CNTNAP5: variants seen among roughly 807,000 people sequenced by gnomAD.
CNTNAP5 encodes contactin-associated protein-like 5.
A neutral mutation model predicts 150.2 loss-of-function variants in CNTNAP5; 72 were observed. The ratio of observed to expected loss-of-function variants is 0.48; its 90% CI spans 0.40 to 0.58. The LOEUF (loss-of-function observed/expected upper bound fraction) is 0.58, where lower values mean the gene tolerates loss of function less well. Ranked by LOEUF, CNTNAP5 falls within the 20% of genes least tolerant of loss-of-function variation. The pLI, the probability that CNTNAP5 is intolerant of heterozygous loss-of-function variation, is 0.00. For missense variants in CNTNAP5, 1,636 were observed against 1,626.2 expected (o/e 1.01, Z -0.10); for synonymous variants, 672 against 619.8 (o/e 1.08, Z -1.25).
At chr2:124,516,409 G>T (rs1354228299) in intron 8 of CNTNAP5, among the ~76,000 whole-genome samples, 1 of 152,168 alleles carries the variant, frequency 6.6e-6, no homozygotes, top group East Asian at 1.9e-4. Flanking sequence ...TTCTGGGGAA[G>T]ATAAAGCCTA....
chr2:124,451,974 G>A (rs926547879), intron 6 of CNTNAP5, among the ~76,000 whole-genome samples: 3 of 152,102 alleles, frequency 2.0e-5, no homozygotes, highest in African/African-American at 4.8e-5. Flanking sequence ...ACTGAGAAAA[G>A]GCCATAGGGA....
intron 13 of CNTNAP5, among the ~76,000 whole-genome samples, chr2:124,726,501 G>A (rs140328365): frequency 1.4e-3 from 217 of 152,156 alleles, no homozygotes; most frequent in African/African-American, 5.1e-3. Context: ...CAGCCATGAG[G>A]AACTGTGAGT....
intron 7 of CNTNAP5, among the ~76,000 whole-genome samples, chr2:124,485,083 T>C (rs1156368204): frequency 6.8e-6 from 1 of 147,772 alleles, no homozygotes; most frequent in East Asian, 2.0e-4. Flanking sequence ...GACATCTCTA[T>C]GTGTCAAGTT....
chr2:124,705,021 T>C (rs1261365930), intron 13 of CNTNAP5, among the ~76,000 whole-genome samples: 1 of 147,056 alleles, frequency 6.8e-6, no homozygotes, highest in Non-Finnish European at 1.5e-5. Flanking sequence ...CAGTGTCTCC[T>C]ATTTTTGCTT....
chr2:124,063,517 TAGA>T (rs1425812721), intron 1 of CNTNAP5, among the ~76,000 whole-genome samples: 2 of 152,148 alleles, frequency 1.3e-5, no homozygotes, highest in Non-Finnish European at 2.9e-5. Context: ...AGTTATAATT[TAGA>T]AGGAGAAGTT....
At chr2:124,631,350 C>A (rs1488589252) in intron 12 of CNTNAP5, among the ~76,000 whole-genome samples, 2 of 152,038 alleles carry the variant, frequency 1.3e-5, no homozygotes. Context: ...GTAAACAAAG[C>A]AATATGGTAT....
intron 6 of CNTNAP5, among the ~76,000 whole-genome samples, chr2:124,463,537 G>A (rs909335621): frequency 1.3e-5 from 2 of 152,154 alleles, no homozygotes; most frequent in Non-Finnish European, 2.9e-5. Context: ...AAGAAAACAT[G>A]CGTGGCGTCT....
At chr2:124,127,190 T>C (rs952793233) in intron 1 of CNTNAP5, among the ~76,000 whole-genome samples, 2 of 152,192 alleles carry the variant, frequency 1.3e-5, no homozygotes, top group Non-Finnish European at 2.9e-5. Context: ...CTCCTTAAGC[T>C]GATAAGCAAC....
intron 11 of CNTNAP5, among the ~76,000 whole-genome samples, chr2:124,606,077 T>C (rs1339528334): frequency 6.6e-6 from 1 of 152,102 alleles, no homozygotes; most frequent in Non-Finnish European, 1.5e-5. Context: ...ATTAGCAATT[T>C]ATATGTAGAA....
At position 124,474,855 on chromosome 2, in the gene CNTNAP5, G is replaced by A. The variant is rs781735036; in HGVS notation, c.1035G>A (p.Lys345=). 8.7e-6 allele frequency: 14 copies of A among 1,606,556 alleles called. No individual in the cohort carries two copies. In the East Asian group the frequency reaches 2.5e-4, roughly 28 times the overall value. ...GAGTAAACATAATTGACCTGGCTAA[G>A]AGACGAAAGCATCAGATCTATACTG... ...YNGVNIIDLA[K]RRKHQIYTVG... is the part of the protein sequence containing the mutation. The change falls in exon 7 of 24, where the codon AAG becomes AAA. Residue 345 remains lysine (K), a synonymous_variant. Coordinates refer to ENST00000682447, the MANE Select transcript of CNTNAP5 (RefSeq NM_001367498.1).
chr2:124,257,064 G>A lies in CNTNAP5; in HGVS notation c.381+14671G>A, dbSNP rs183742477. On this transcript the variant is annotated intron_variant, in intron 3 of 23. Coordinates refer to ENST00000682447, the MANE Select transcript of CNTNAP5 (RefSeq NM_001367498.1). ...CATATACAACCCACGCAGTCCCAAA[G>A]ACTACCAAGAGCCTCTAGAAGCTAG... is the stretch of plus-strand genomic sequence containing the variant. Among the ~76,000 whole-genome samples the A allele has an allele frequency of 2.2e-3, 339 of 152,228 alleles. 1 individual carries two copies. The highest frequency in any genetic ancestry group is 7.7e-3 in the African/African-American group (318 of 41,556).
intron 3 of CNTNAP5, among the ~76,000 whole-genome samples, chr2:124,279,775 T>C (rs1687969004): frequency 6.6e-6 from 1 of 152,086 alleles, no homozygotes; most frequent in Non-Finnish European, 1.5e-5. Context: ...CCATTGCATT[T>C]GATGAGCTTG....
At chr2:124,515,974 C>G (rs1256234618) in intron 8 of CNTNAP5, among the ~76,000 whole-genome samples, 1 of 152,078 alleles carries the variant, frequency 6.6e-6, no homozygotes, top group South Asian at 2.1e-4. Flanking sequence ...GTAGTTGGAT[C>G]TAGCAAGGTG....
chr2:124,818,453 A>AGC (rs1553445684), intron 19 of CNTNAP5, among the ~76,000 whole-genome samples: 62 of 151,952 alleles, frequency 4.1e-4, no homozygotes, highest in Admixed American at 3.3e-4. Context: ...CTTGAGCCCA[A>AGC]GGGGGGTTTG....
intron 11 of CNTNAP5, among the ~76,000 whole-genome samples, chr2:124,565,756 C>T (rs553404409): frequency 4.9e-4 from 75 of 151,828 alleles, no homozygotes; most frequent in African/African-American, 1.7e-3. Flanking sequence ...CCCACCACCA[C>T]GCCCAGCTAA....
chr2:124,703,126 C>CCTG (rs1305426728), intron 13 of CNTNAP5, among the ~76,000 whole-genome samples: 2 of 148,604 alleles, frequency 1.3e-5, no homozygotes, highest in Non-Finnish European at 3.0e-5. Flanking sequence ...TCCCTCCCTC[C>CCTG]CTGTCTCCCT....
At chr2:124,036,469 C>A (rs1681222993) in intron 1 of CNTNAP5, among the ~76,000 whole-genome samples, 1 of 151,982 alleles carries the variant, frequency 6.6e-6, no homozygotes, top group Non-Finnish European at 1.5e-5. Context: ...TGAGTTGTAC[C>A]TTTGAGTGAA....
chr2:124,811,457 G>A (rs1188767279), intron 19 of CNTNAP5, among the ~76,000 whole-genome samples: 1 of 152,116 alleles, frequency 6.6e-6, no homozygotes, highest in African/African-American at 2.4e-5. Flanking sequence ...GTTGTTTACA[G>A]TTTTGTTAAA....
intron 13 of CNTNAP5, among the ~76,000 whole-genome samples, chr2:124,692,048 T>C (rs898600247): frequency 6.6e-6 from 1 of 152,068 alleles, no homozygotes; most frequent in African/African-American, 2.4e-5. Context: ...CGAATTAGAT[T>C]ATTGGATGAT....
Sources: allele counts gnomAD v4.1 joint callset (sites outside exome capture counted in the v4.1 genomes callset), GRCh38; gene constraint gnomAD v4.1.1; transcripts MANE v1.5; gene names NCBI Gene and HGNC (gene_info 2026-07-23, HGNC 2026-07-21).